The following ZNF85 variants were observed in gnomAD, a reference collection of about 807,000 sequenced individuals.
The protein encoded by ZNF85 is zinc finger protein 85.
ZNF85 carries 50 observed loss-of-function variants against 53.9 expected under a neutral mutation model. The observed-to-expected ratio is 0.93, with a 90% CI of 0.74 to 1.17. ZNF85 has a LOEUF of 1.17. ZNF85 is among the 50% of genes most tolerant of loss of function. The pLI, the probability that ZNF85 is intolerant of heterozygous loss-of-function variation, is 0.00. For missense variants in ZNF85, 747 were observed against 688.5 expected, an observed-to-expected ratio of 1.08 and a Z score of -0.95; for synonymous variants, 225 against 226.1, an observed-to-expected ratio of 1.00 and a Z score of 0.04.
intron 3 of ZNF85, chr19:20,944,145 T>C (rs1321308938): frequency 6.3e-6 from 1 of 159,752 alleles, no homozygotes; most frequent in African/African-American, 2.4e-5. Flanking sequence ...TGTGTTGATA[T>C]ATTTAATAGT....
intron 3 of ZNF85, among the ~76,000 whole-genome samples, chr19:20,946,094 A>G (rs2144666448): frequency 6.6e-6 from 1 of 151,018 alleles, no homozygotes; most frequent in South Asian, 2.1e-4. Flanking sequence ...TTGAGATTCC[A>G]TATACTTCTG....
chr19:20,929,885 C>T (rs1221171931), intron 1 of ZNF85, among the ~76,000 whole-genome samples: 3 of 152,094 alleles, frequency 2.0e-5, no homozygotes, highest in Non-Finnish European at 4.4e-5. Context: ...CTTTGGGAGG[C>T]CAAAGCAGGC....
At chr19:20,940,620 G>A (rs1973273720) in intron 3 of ZNF85, among the ~76,000 whole-genome samples, 1 of 151,900 alleles carries the variant, frequency 6.6e-6, no homozygotes, top group South Asian at 2.1e-4. Context: ...TTTACGTCTT[G>A]TAAAACCAAA....
rs1239076226 is a variant in ZNF85, at chr19:20,950,201, G to T, written c.1687G>T (p.Glu563Ter). 6.2e-7 allele frequency: 1 copy of T among 1,612,046 alleles called. No individual in the cohort carries two copies. Residue 563 changes from glutamate (E) to a stop codon, truncating the protein, a stop_gained, in exon 4 of 4, where the codon GAA becomes TAA. Coordinates refer to ENST00000328178, the MANE Select transcript of ZNF85 (RefSeq NM_003429.5). LOFTEE classifies it high-confidence loss of function. ...TAAACATAAGAGAATTCATACTGGA[G>T]AAAAACCTTACAAATGTGAAGAATG... ...LTKHKRIHTG[E>*]KPYKCEECDK...
At chr19:20,933,133 C>G (rs542303028) in intron 1 of ZNF85, among the ~76,000 whole-genome samples, 1 of 148,876 alleles carries the variant, frequency 6.7e-6, no homozygotes, top group African/African-American at 2.5e-5. Flanking sequence ...GCGGAGCTTG[C>G]AGTGAGCTGA....
chr19:20,949,142 G>A lies in ZNF85; in HGVS notation c.628G>A (p.Ala210Thr), dbSNP rs1377936588. The change falls in exon 4 of 4, where the codon GCC becomes ACC. Residue 210 changes from alanine (A) to threonine (T), a missense_variant. Physicochemically the swap from Ala to Thr is moderately conservative, Grantham distance 58. Transcript: ENST00000328178. ...CTACAAATGTGAAGAATGTGGAAAA[G>A]CCTTTAACTGGTCCTCAACCCTTAC... Reference protein sequence around the residue: ...NFYKCEECGKAFNWSSTLTKH... With the variant: ...NFYKCEECGKTFNWSSTLTKH... 6.2e-7 allele frequency: 1 copy of A among 1,613,416 alleles called. No individual in the cohort carries two copies. The highest frequency in any genetic ancestry group is 2.2e-5 in the East Asian group (1 of 44,862).
At chr19:20,942,732 AAC>A in intron 3 of ZNF85, 3 of 659,298 alleles carry the variant, frequency 4.6e-6, no homozygotes, top group Middle Eastern at 2.4e-4. Context: ...TTGGTCAGAA[AAC>A]ACACAGTGTA....
At chr19:20,947,154 A>G (rs1973440749) in intron 3 of ZNF85, among the ~76,000 whole-genome samples, 1 of 151,916 alleles carries the variant, frequency 6.6e-6, no homozygotes, top group South Asian at 2.1e-4. Context: ...GCAACAGTAT[A>G]TTTAATTATG....
intron 1 of ZNF85, among the ~76,000 whole-genome samples, chr19:20,931,626 T>C (rs1175481774): frequency 4.1e-5 from 6 of 146,976 alleles, no homozygotes; most frequent in African/African-American, 7.7e-5. Flanking sequence ...TTTTCTTTTT[T>C]TTTTTTTTTT....
At chr19:20,934,541 G>A (rs149783740) in intron 2 of ZNF85, among the ~76,000 whole-genome samples, 2,035 of 151,968 alleles carry the variant, frequency 0.013, 34 homozygotes, top group African/African-American at 0.04. Context: ...AGGCTGAGGC[G>A]GACGGATCAC....
chr19:20,937,113 A>G (rs1973176874), intron 3 of ZNF85: 1 of 264,112 alleles, frequency 3.8e-6, no homozygotes, highest in African/African-American at 2.3e-5. Context: ...GCTCACTGCA[A>G]CCTCCGCCTC....
intron 1 of ZNF85, among the ~76,000 whole-genome samples, chr19:20,931,212 G>A (rs1973009576): frequency 6.6e-6 from 1 of 152,206 alleles, no homozygotes; most frequent in South Asian, 2.1e-4. Flanking sequence ...TGACAGGGTT[G>A]TTACCTATTC....
chr19:20,933,413 C>T (rs1225499351), intron 1 of ZNF85, among the ~76,000 whole-genome samples: 1 of 151,108 alleles, frequency 6.6e-6, no homozygotes, highest in African/African-American at 2.4e-5. Flanking sequence ...AAAGTCAAAG[C>T]TCTTATCTTT....
chr19:20,937,269 A>G (rs1273794688), intron 3 of ZNF85: 2 of 452,294 alleles, frequency 4.4e-6, no homozygotes, highest in East Asian at 1.4e-4. Context: ...TGACCTCGTG[A>G]TCCACCCACC....
At chr19:20,947,362 T>TA (rs1174971486) in intron 3 of ZNF85, among the ~76,000 whole-genome samples, 1 of 151,752 alleles carries the variant, frequency 6.6e-6, no homozygotes. Context: ...GCTAAGGAAT[T>TA]CTAATTTTGG....
intron 3 of ZNF85, among the ~76,000 whole-genome samples, chr19:20,940,378 T>A (rs952360580): frequency 1.3e-5 from 2 of 152,062 alleles, no homozygotes; most frequent in Non-Finnish European, 2.9e-5. Flanking sequence ...CTACAAAAAA[T>A]TTCTTTAAAA....
intron 3 of ZNF85, chr19:20,943,778 G>C (rs1056952385): frequency 6.6e-5 from 10 of 151,886 alleles, no homozygotes; most frequent in African/African-American, 2.2e-4. Flanking sequence ...CCCTAATGTT[G>C]TATATACATA....
At chr19:20,924,808 A>G (rs982391856) in intron 1 of ZNF85, among the ~76,000 whole-genome samples, 11 of 152,222 alleles carry the variant, frequency 7.2e-5, no homozygotes, top group African/African-American at 2.7e-4. Context: ...CATATTGTAA[A>G]AAAATCTCTG....
At position 20,950,184 on chromosome 19, in the gene ZNF85, A is replaced by G. The variant is rs1201551455; in HGVS notation, c.1670A>G (p.Lys557Arg). ...FNQSSNLTKHKRIHTGEKPYK... is the reference protein window; with the variant it reads ...FNQSSNLTKHRRIHTGEKPYK... Reference sequence around the variant, plus strand: ...CAGTCCTCAAACCTTACTAAACATAAGAGAATTCATACTGGAGAAAAACCT... The same window carrying G: ...CAGTCCTCAAACCTTACTAAACATAGGAGAATTCATACTGGAGAAAAACCT... Residue 557 changes from lysine (K) to arginine (R), a missense_variant, in exon 4 of 4, where the codon AAG becomes AGG. Lys to Arg is a conservative substitution (Grantham distance 26). Coordinates refer to ENST00000328178, the MANE Select transcript of ZNF85 (RefSeq NM_003429.5). 1.2e-6 allele frequency: 2 copies of G among 1,613,138 alleles called. No individual in the cohort carries two copies. Among genetic ancestry groups the G allele is most frequent in the Non-Finnish European group, 8.5e-7 (1 of 1,179,696 alleles).
Sources: allele counts gnomAD v4.1 joint callset (sites outside exome capture counted in the v4.1 genomes callset), GRCh38; gene constraint gnomAD v4.1.1; transcripts MANE v1.5; gene names NCBI Gene and HGNC (gene_info 2026-07-23, HGNC 2026-07-21).